BIK: variants seen among roughly 807,000 people sequenced by gnomAD.
BIK encodes BCL2 interacting killer, also known as bcl-2-interacting killer.
BIK carries 14 observed loss-of-function variants against 12.1 expected under a neutral mutation model. That is an observed-to-expected ratio of 1.16 (90% confidence interval 0.77 to 1.81). The LOEUF is 1.81. BIK is among the 40% of genes most tolerant of loss of function. BIK has a pLI of 0.00. For missense variants in BIK, 215 were observed against 207.9 expected, an observed-to-expected ratio of 1.03 and a Z score of -0.21; for synonymous variants, 86 against 92.3, an observed-to-expected ratio of 0.93 and a Z score of 0.39.
intron 2 of BIK, among the ~76,000 whole-genome samples, chr22:43,126,029 C>CTTT (rs536702353): frequency 1.1e-4 from 15 of 140,656 alleles, no homozygotes; most frequent in African/African-American, 3.2e-4. Flanking sequence ...AGGACCTGCA[C>CTTT]TTTTTTTTTT....
chr22:43,119,393 C>T (rs1318372451), intron 1 of BIK, among the ~76,000 whole-genome samples: 1 of 152,152 alleles, frequency 6.6e-6, no homozygotes, highest in Non-Finnish European at 1.5e-5. Flanking sequence ...TTCATGTCTT[C>T]AGTCAACAAA....
chr22:43,128,518 G>T lies in BIK; in HGVS notation c.283G>T (p.Asp95Tyr), dbSNP rs545742731. ...MHSLGLAFIY[D>Y]QTEDIRDVLR... ...TAGCCTGGGTCTGGCTTTCATCTAC[G>T]ACCAGACTGAGGACATCAGGGATGT... Residue 95 changes from aspartate to tyrosine, a missense_variant, in exon 4 of 5, where the codon GAC (aspartate) becomes TAC (tyrosine). Coordinates refer to ENST00000216115, the MANE Select transcript of BIK (RefSeq NM_001197.5). 2 of 1,613,828 alleles carry T rather than the reference G, an allele frequency of 1.2e-6. No individual in the cohort carries two copies. Among genetic ancestry groups the T allele is most frequent in the South Asian group, 1.1e-5 (1 of 91,044 alleles).
intron 1 of BIK, among the ~76,000 whole-genome samples, chr22:43,111,414 T>G (rs1340927881): frequency 1.3e-5 from 2 of 152,172 alleles, no homozygotes; most frequent in Admixed American, 6.5e-5. Context: ...CCACGCGCCC[T>G]GCACAGGTGC....
In BIK at chr22:43,129,268, C is replaced by T. The variant is rs545887424; in HGVS notation, c.446C>T (p.Pro149Leu). 15 of 1,600,808 alleles carry T rather than the reference C, an allele frequency of 9.4e-6. No individual in the cohort carries two copies. Among genetic ancestry groups the T allele is most frequent in the Admixed American group, 5.0e-5 (3 of 59,934 alleles). ...ALLLLLALLL[P>L]LLSGGLHLLL... ...CTGCTGCTGCTGGCGCTGCTGCTGCCGCTGCTCAGCGGGGGCCTGCACCTG... is the reference window on the plus strand; with the variant it reads ...CTGCTGCTGCTGGCGCTGCTGCTGCTGCTGCTCAGCGGGGGCCTGCACCTG... Residue 149 changes from proline to leucine, a missense_variant, in exon 5 of 5, where the codon CCG becomes CTG. By Grantham distance (98) the Pro-to-Leu change is moderately conservative. Coordinates refer to ENST00000216115, the MANE Select transcript of BIK (RefSeq NM_001197.5).
chr22:43,112,571 CT>C lies in BIK; in HGVS notation c.-8+1781del, dbSNP rs747222777. 7.5e-3 allele frequency among the ~76,000 whole-genome samples: 1,069 copies of C among 142,572 alleles called. 7 individuals carry two copies. The highest frequency in any genetic ancestry group is 0.016 in the African/African-American group (612 of 39,196). 93.5% of individuals were successfully genotyped at this position (142,572 alleles called of 152,430 possible). A position where few individuals can be genotyped will look rare whatever the true frequency, so the allele number is the denominator to read the frequency against. ...CAGACGTGAGCCCCTATGCCTGGCCCTTTTTTTTTTTTTAATTGTCTTAAGG... is the reference window on the plus strand; with the variant it reads ...CAGACGTGAGCCCCTATGCCTGGCCCTTTTTTTTTTTTAATTGTCTTAAGG... On this transcript the variant is annotated intron_variant, in intron 1 of 4. Coordinates refer to ENST00000216115, the MANE Select transcript of BIK (RefSeq NM_001197.5).
At chr22:43,123,554 C>T (rs1160022443) in intron 1 of BIK, among the ~76,000 whole-genome samples, 3 of 152,150 alleles carry the variant, frequency 2.0e-5, no homozygotes, top group Non-Finnish European at 2.9e-5. Flanking sequence ...AGTTCAAGAC[C>T]AGCCTGGCCA....
intron 1 of BIK, among the ~76,000 whole-genome samples, chr22:43,121,469 C>T (rs1239322766): frequency 1.3e-5 from 2 of 152,158 alleles, no homozygotes; most frequent in Non-Finnish European, 1.5e-5. Context: ...CCTAAGGATT[C>T]TCGGAATGCC....
intron 1 of BIK, among the ~76,000 whole-genome samples, chr22:43,115,614 C>T (rs1345565375): frequency 2.0e-5 from 3 of 152,132 alleles, no homozygotes; most frequent in African/African-American, 4.8e-5. Flanking sequence ...AGGCGTGCGC[C>T]ACCACGCCTG....
chr22:43,116,838 T>C (rs58088902), intron 1 of BIK, among the ~76,000 whole-genome samples: 1 of 152,070 alleles, frequency 6.6e-6, no homozygotes, highest in Non-Finnish European at 1.5e-5. Context: ...ACTTGGGAAG[T>C]TGAGGTGGAA....
chr22:43,124,190 C>A lies in BIK; in HGVS notation c.161+7C>A. 6.2e-7 allele frequency: 1 copy of A among 1,613,624 alleles called. No individual in the cohort carries two copies. Among genetic ancestry groups the A allele is most frequent in the Non-Finnish European group, 8.5e-7 (1 of 1,179,826 alleles). On this transcript the variant is annotated splice_region_variant and intron_variant, in intron 2 of 4. Transcript: ENST00000216115. ...TGGAATGCATGGAGGGCAGGTAGGTCCCCATGGCCTGCCCTACCCCCTGCC... is the reference window on the plus strand; with the variant it reads ...TGGAATGCATGGAGGGCAGGTAGGTACCCATGGCCTGCCCTACCCCCTGCC...
chr22:43,127,822 A>G (rs1212127005), intron 3 of BIK, 27 bp downstream of exon 3: 3 of 1,531,534 alleles, frequency 2.0e-6, no homozygotes, highest in East Asian at 2.5e-5. Context: ...CTATGCCTCT[A>G]CACCTGGGGA....
chr22:43,113,605 C>T (rs1930052752), intron 1 of BIK, among the ~76,000 whole-genome samples: 1 of 150,218 alleles, frequency 6.7e-6, no homozygotes, highest in Admixed American at 6.6e-5. Context: ...AGAGACTACT[C>T]ATAACCGTGT....
chr22:43,124,316 C>T (rs1440127901), intron 2 of BIK, 133 bp downstream of exon 2: 32 of 1,115,310 alleles, frequency 2.9e-5, no homozygotes, highest in Admixed American at 4.7e-5. Context: ...GAAGATTTCC[C>T]GGATGTGGGC....
At chr22:43,117,719 G>A (rs1930144499) in intron 1 of BIK, among the ~76,000 whole-genome samples, 1 of 149,232 alleles carries the variant, frequency 6.7e-6, no homozygotes, top group East Asian at 2.0e-4. Context: ...CGCCCAGGTT[G>A]GAGTGTAATG....
At chr22:43,118,181 C>A (rs5751436) in intron 1 of BIK, among the ~76,000 whole-genome samples, 6,282 of 152,080 alleles carry the variant, frequency 0.041, 634 homozygotes, top group East Asian at 0.4. Flanking sequence ...GTGTGGGATG[C>A]ATCCCTAGAA....
rs1373783925 is a variant in BIK, at chr22:43,129,263, G to C, written c.441G>C (p.Leu147=). The change falls in exon 5 of 5, where the codon CTG becomes CTC. Residue 147 remains leucine, a synonymous_variant. Transcript: ENST00000216115. ...CGCTGCTGCTGCTGCTGGCGCTGCT[G>C]CTGCCGCTGCTCAGCGGGGGCCTGC... The part of the protein sequence containing the change: ...LLALLLLLAL[L]LPLLSGGLHL... 6.3e-7 allele frequency: 1 copy of C among 1,599,378 alleles called. No homozygotes were observed.
intron 1 of BIK, among the ~76,000 whole-genome samples, chr22:43,121,195 C>T (rs961184476): frequency 2.0e-5 from 3 of 151,836 alleles, no homozygotes; most frequent in Admixed American, 1.3e-4. Context: ...AACAAACAAA[C>T]AAAAAAACAC....
intron 2 of BIK, among the ~76,000 whole-genome samples, chr22:43,125,944 A>G (rs9612011): frequency 0.8 from 120,911 of 151,812 alleles, 48,607 homozygotes; most frequent in Non-Finnish European, 0.86. Flanking sequence ...CACTCTGCCA[A>G]CTGCTCCCAG....
chr22:43,121,965 A>G (rs1930228353), intron 1 of BIK, among the ~76,000 whole-genome samples: 2 of 152,216 alleles, frequency 1.3e-5, no homozygotes, highest in Non-Finnish European at 2.9e-5. Flanking sequence ...TCCTGACCTC[A>G]GGTGATCCGC....
Sources: allele counts gnomAD v4.1 joint callset (sites outside exome capture counted in the v4.1 genomes callset), GRCh38; gene constraint gnomAD v4.1.1; transcripts MANE v1.5; gene names NCBI Gene and HGNC (gene_info 2026-07-23, HGNC 2026-07-21).